PSMD14: variants seen among roughly 807,000 people sequenced by gnomAD.
The protein encoded by PSMD14 is ubiquitin C-terminal hydrolase PSMD14.
In PSMD14, 7 loss-of-function variants were observed where a neutral mutation model predicts 41.2. The ratio of observed to expected loss-of-function variants is 0.17; its 90% CI spans 0.10 to 0.32. PSMD14 has a LOEUF of 0.32. Ranked by LOEUF, PSMD14 falls within the 10% of genes least tolerant of loss-of-function variation. The pLI is 1.00. For synonymous variants in PSMD14, 114 were observed against 122.3 expected (o/e 0.93, Z 0.45); for missense variants, 139 against 375.6 (o/e 0.37, Z 5.21).
chr2:161,312,899 C>T (rs915395817), intron 1 of PSMD14, among the ~76,000 whole-genome samples: 7 of 152,172 alleles, frequency 4.6e-5, no homozygotes, highest in African/African-American at 1.2e-4. Context: ...CATTTTGAAA[C>T]CCAGTAAGTG....
chr2:161,409,310 T>C (rs1683994710), intron 11 of PSMD14, among the ~76,000 whole-genome samples: 1 of 152,132 alleles, frequency 6.6e-6, no homozygotes, highest in Non-Finnish European at 1.5e-5. Flanking sequence ...TGGGTTATAC[T>C]GAGTGAAGAG....
chr2:161,410,480 A>ATT (rs759922750), intron 11 of PSMD14, among the ~76,000 whole-genome samples: 3 of 152,040 alleles, frequency 2.0e-5, no homozygotes, highest in Non-Finnish European at 4.4e-5. Context: ...TATATTCCTT[A>ATT]TTTCAAAGCT....
chr2:161,349,750 G>T (rs2105246522), intron 3 of PSMD14, among the ~76,000 whole-genome samples: 1 of 152,322 alleles, frequency 6.6e-6, no homozygotes, highest in East Asian at 1.9e-4. Flanking sequence ...TCAGAGGAGG[G>T]AGGAGAGTCT....
At chr2:161,396,813 A>C (rs1683803962) in intron 10 of PSMD14, among the ~76,000 whole-genome samples, 1 of 151,936 alleles carries the variant, frequency 6.6e-6, no homozygotes, top group Non-Finnish European at 1.5e-5. Context: ...GGTTTTTTTG[A>C]GGAGTTTTTG....
chr2:161,370,331 G>A (rs1161043063), intron 6 of PSMD14, among the ~76,000 whole-genome samples, 154 bp downstream of exon 6: 2 of 152,078 alleles, frequency 1.3e-5, no homozygotes, highest in African/African-American at 4.8e-5. Context: ...TGCACCACCT[G>A]TCTAGTATAT....
intron 1 of PSMD14, among the ~76,000 whole-genome samples, chr2:161,314,914 G>A (rs1219923251): frequency 6.6e-6 from 1 of 152,118 alleles, no homozygotes; most frequent in Non-Finnish European, 1.5e-5. Context: ...AGTTTTATGG[G>A]GCATATACCA....
At chr2:161,372,136 C>G (rs1683443701) in intron 7 of PSMD14, among the ~76,000 whole-genome samples, 1 of 152,028 alleles carries the variant, frequency 6.6e-6, no homozygotes, top group African/African-American at 2.4e-5. Flanking sequence ...AAACTACAGA[C>G]ATACAGAAAT....
chr2:161,367,326 G>C (rs1026558767), intron 3 of PSMD14, among the ~76,000 whole-genome samples, 152 bp from the exon 4 acceptor site: 1 of 152,184 alleles, frequency 6.6e-6, no homozygotes, highest in African/African-American at 2.4e-5. Flanking sequence ...ATTTGCAAAT[G>C]TGTTTTGATT....
At chr2:161,394,041 GCTCACTGCAAC>G (rs1439362611) in intron 9 of PSMD14, among the ~76,000 whole-genome samples, 1 of 134,902 alleles carries the variant, frequency 7.4e-6, no homozygotes. Flanking sequence ...CGTGACCTCA[GCTCACTGCAAC>G]CTCCGTCTCC....
At chr2:161,323,363 A>T (rs533141714) in intron 3 of PSMD14, among the ~76,000 whole-genome samples, 1 of 151,960 alleles carries the variant, frequency 6.6e-6, no homozygotes, top group African/African-American at 2.4e-5. Context: ...TTAATATCAC[A>T]TTTTAAAATG....
Position 161,371,271 on chromosome 2 carries a change from G to C in PSMD14, c.411G>C (p.Ser137=). 1 of 1,611,930 alleles carries C rather than the reference G, an allele frequency of 6.2e-7. No homozygotes were observed. The highest frequency in any genetic ancestry group is 1.3e-5 in the African/African-American group (1 of 74,974). The change falls in exon 7 of 12, where the codon TCG becomes TCC. Residue 137 remains serine, a synonymous_variant. Transcript: ENST00000409682. ...CTCAGCAGAGCTTTGAAGCCTTGTC[G>C]GAGAGAGCTGTGGCAGTGGTTGTGG... The part of the protein sequence containing the change: ...INTQQSFEAL[S]ERAVAVVVDP...
At chr2:161,369,839 G>A (rs190036511) in intron 5 of PSMD14, among the ~76,000 whole-genome samples, 18 of 152,056 alleles carry the variant, frequency 1.2e-4, no homozygotes, top group South Asian at 2.1e-4. Context: ...CAATTATTTC[G>A]TATTTCTGGT....
chr2:161,390,380 A>T (rs1683695813), intron 8 of PSMD14, among the ~76,000 whole-genome samples: 1 of 152,140 alleles, frequency 6.6e-6, no homozygotes, highest in Admixed American at 6.6e-5. Context: ...AGTACTGTTG[A>T]ACCTCATTTG....
rs187215857 is a variant in PSMD14, at chr2:161,343,340, C to G, written c.49-24138C>G. Among the ~76,000 whole-genome samples, 183 of 152,278 alleles carry G rather than the reference C, an allele frequency of 1.2e-3. 2 individuals carry two copies. The highest frequency in any genetic ancestry group is 4.0e-3 in the African/African-American group (168 of 41,554). ...CAATATTTGTCATTTTGTGACTGGC[C>G]TAGCATAATGTCATTAAGGTTCATC... On this transcript the variant is annotated intron_variant, in intron 3 of 11. Coordinates refer to ENST00000409682, the MANE Select transcript of PSMD14 (RefSeq NM_005805.6).
At chr2:161,366,405 C>T (rs1683358881) in intron 3 of PSMD14, among the ~76,000 whole-genome samples, 1 of 151,796 alleles carries the variant, frequency 6.6e-6, no homozygotes, top group Non-Finnish European at 1.5e-5. Flanking sequence ...CACACACACA[C>T]ACACACACAC....
At chr2:161,351,748 G>A (rs1222704879) in intron 3 of PSMD14, among the ~76,000 whole-genome samples, 2 of 152,096 alleles carry the variant, frequency 1.3e-5, no homozygotes, top group Non-Finnish European at 2.9e-5. Flanking sequence ...GCTCTGTTCC[G>A]TGGTATCATT....
Position 161,375,249 on chromosome 2 carries a change from T to C in PSMD14, c.462+3927T>C, listed in dbSNP as rs190794543. ...AATTATATACATTTAGTGTTAGTAG[T>C]GAGCAAGATCTTATTCTGCCAATTA... On this transcript the variant is annotated intron_variant, in intron 7 of 11. Coordinates refer to ENST00000409682, the MANE Select transcript of PSMD14 (RefSeq NM_005805.6). 6.0e-4 allele frequency among the ~76,000 whole-genome samples: 91 copies of C among 152,162 alleles called. 1 individual carries two copies. Among genetic ancestry groups the C allele is most frequent in the Non-Finnish European group, 3.7e-4 (25 of 67,960 alleles).
intron 7 of PSMD14, among the ~76,000 whole-genome samples, chr2:161,375,436 C>T (rs1421009470): frequency 2.0e-5 from 3 of 151,916 alleles, no homozygotes; most frequent in African/African-American, 2.4e-5. Context: ...ATAACAAACA[C>T]AGTAAATGCA....
Position 161,370,191 on chromosome 2 carries a change from A to C in PSMD14, c.311+14A>C, listed in dbSNP as rs1001217392. Reference sequence around the variant, plus strand: ...GCAGACAGGAAGGTAAGCATTTTAAATGATCAGTTAAAGAAATAATGGGAA... The same window carrying C: ...GCAGACAGGAAGGTAAGCATTTTAACTGATCAGTTAAAGAAATAATGGGAA... On this transcript the variant is annotated intron_variant, in intron 6 of 11. Coordinates refer to ENST00000409682, the MANE Select transcript of PSMD14 (RefSeq NM_005805.6). 7.9e-6 allele frequency: 12 copies of C among 1,520,250 alleles called. No homozygotes were observed. The African/African-American group carries it at 1.5e-4, about 19-fold the overall frequency. The allele number at this position is 1,520,250 out of a possible 1,614,324, so 94.2% of individuals were successfully genotyped here.
Sources: allele counts gnomAD v4.1 joint callset (sites outside exome capture counted in the v4.1 genomes callset), GRCh38; gene constraint gnomAD v4.1.1; transcripts MANE v1.5; gene names NCBI Gene and HGNC (gene_info 2026-07-23, HGNC 2026-07-21).